Variants in RSBN1 observed in about 807,000 individuals in gnomAD.
RSBN1 encodes lysine-specific demethylase 9.
RSBN1 carries 23 observed loss-of-function variants against 74.8 expected under a neutral mutation model. The ratio of observed to expected loss-of-function variants is 0.31; its 90% CI spans 0.22 to 0.44. RSBN1 has a LOEUF of 0.44. RSBN1 is among the 20% of genes least tolerant of loss of function. The pLI is 1.00. For synonymous variants in RSBN1, 407 were observed against 379.6 expected (o/e 1.07, Z -0.84); for missense variants, 808 against 1,020.9 (o/e 0.79, Z 2.84).
intron 2 of RSBN1, among the ~76,000 whole-genome samples, chr1:113,791,228 C>T (rs922274021): frequency 5.9e-5 from 9 of 151,462 alleles, no homozygotes; most frequent in Non-Finnish European, 1.3e-4. Flanking sequence ...GAGAAATATG[C>T]CTATTAAAAA....
chr1:113,812,038 C>T lies in RSBN1; in HGVS notation c.375G>A (p.Leu125=). The T allele has an allele frequency of 1.3e-6, 2 of 1,530,742 alleles. No individual in the cohort carries two copies. The highest frequency in any genetic ancestry group is 1.2e-5 in the South Asian group (1 of 81,614). 94.8% of individuals were successfully genotyped at this position (1,530,742 alleles called of 1,614,324 possible). A position where few individuals can be genotyped will look rare whatever the true frequency, so the allele number is the denominator to read the frequency against. ...RRRSRQHPGP[L]PPTNAAPTVP... ...CAGTTGGGGCTGCATTCGTTGGCGG[C>T]AGCGGCCCAGGATGTTGGCGGCTGC... The change falls in exon 1 of 7, where the codon CTG becomes CTA. Residue 125 remains leucine (L), a synonymous_variant. Coordinates refer to ENST00000261441, the MANE Select transcript of RSBN1 (RefSeq NM_018364.5).
rs1659719500 is a variant in RSBN1 at position 113,763,437 on chromosome 1, C to T, written c.*2543G>A. On this transcript the variant is annotated 3_prime_UTR_variant, in exon 7 of 7. Coordinates refer to ENST00000261441, the MANE Select transcript of RSBN1 (RefSeq NM_018364.5). Reference sequence around the variant, plus strand: ...AGACGCCAGATTGCTCCATGCCTCACTCCACCAAACCAAATAATTTAATGA... The same window carrying T: ...AGACGCCAGATTGCTCCATGCCTCATTCCACCAAACCAAATAATTTAATGA... The T allele has an allele frequency of 6.5e-6, 1 of 152,686 alleles. No individual in the cohort carries two copies. Among genetic ancestry groups the T allele is most frequent in the Admixed American group, 6.5e-5 (1 of 15,280 alleles). 9.5% of individuals were successfully genotyped at this position (152,686 alleles called of 1,614,324 possible). A position where few individuals can be genotyped will look rare whatever the true frequency, so the allele number is the denominator to read the frequency against.
At chr1:113,783,510 G>GTTTTT (rs1660177012) in intron 2 of RSBN1, among the ~76,000 whole-genome samples, 3 of 151,896 alleles carry the variant, frequency 2.0e-5, no homozygotes, top group Admixed American at 6.6e-5. Flanking sequence ...TTCACCAACT[G>GTTTTT]TAGGAAACTA....
intron 2 of RSBN1, among the ~76,000 whole-genome samples, chr1:113,781,367 G>A (rs1426143869): frequency 1.3e-5 from 2 of 152,082 alleles, no homozygotes; most frequent in Non-Finnish European, 2.9e-5. Context: ...AATCACTGAT[G>A]ACCTCTTCAC....
At chr1:113,794,257 G>A (rs959089091) in intron 2 of RSBN1, among the ~76,000 whole-genome samples, 3 of 151,996 alleles carry the variant, frequency 2.0e-5, no homozygotes, top group Non-Finnish European at 4.4e-5. Flanking sequence ...GGTTACTATC[G>A]TAACTAACTG....
At chr1:113,780,102 G>A (rs1226675910) in intron 2 of RSBN1, among the ~76,000 whole-genome samples, 2 of 151,980 alleles carry the variant, frequency 1.3e-5, no homozygotes, top group African/African-American at 4.8e-5. Flanking sequence ...ACTAAGAAAG[G>A]CTTTCTCTCT....
chr1:113,783,095 C>T lies in RSBN1; in HGVS notation c.1378-5287G>A, dbSNP rs1262292183. Among the ~76,000 whole-genome samples the T allele has an allele frequency of 3.9e-5, 6 of 152,090 alleles. No homozygotes were observed. The South Asian group carries it at 6.2e-4, about 16-fold the overall frequency. ...AAAGTTTGCCAACCCCCAATTTAAA[C>T]CACTCACAAAAGAAATCAAGCAATA... On this transcript the variant is annotated intron_variant, in intron 2 of 6. Coordinates refer to ENST00000261441, the MANE Select transcript of RSBN1 (RefSeq NM_018364.5).
At position 113,788,834 on chromosome 1, in the gene RSBN1, G is replaced by C. The variant is rs550838408; in HGVS notation, c.1377+8529C>G. Among the ~76,000 whole-genome samples the C allele has an allele frequency of 7.9e-5, 12 of 152,146 alleles. 2 individuals carry two copies. Among genetic ancestry groups the C allele is most frequent in the Admixed American group, 6.5e-4 (10 of 15,278 alleles). On this transcript the variant is annotated intron_variant, in intron 2 of 6. Coordinates refer to ENST00000261441, the MANE Select transcript of RSBN1 (RefSeq NM_018364.5). The stretch of plus-strand genomic sequence containing the variant: ...AGGAAGATCCCTTGGCCAGGAGTTT[G>C]ACATCAACCTGGAAAACACAGGAAG...
chr1:113,773,478 G>A (rs576888376), intron 4 of RSBN1, among the ~76,000 whole-genome samples: 13 of 152,238 alleles, frequency 8.5e-5, no homozygotes, highest in Middle Eastern at 3.4e-3. Flanking sequence ...AGCCAAGATC[G>A]CACCACTGCA....
chr1:113,799,449 G>C (rs1660536663), intron 1 of RSBN1, among the ~76,000 whole-genome samples: 1 of 152,058 alleles, frequency 6.6e-6, no homozygotes. Context: ...GTAACATTAA[G>C]AGTGATTCCT....
chr1:113,774,096 T>C (rs914211405), intron 4 of RSBN1, among the ~76,000 whole-genome samples: 1 of 152,226 alleles, frequency 6.6e-6, no homozygotes, highest in African/African-American at 2.4e-5. Flanking sequence ...GTATGCTCTA[T>C]ATACTTTACA....
chr1:113,800,800 T>C (rs1382172878), intron 1 of RSBN1, among the ~76,000 whole-genome samples: 3 of 151,278 alleles, frequency 2.0e-5, no homozygotes, highest in Non-Finnish European at 4.4e-5. Flanking sequence ...AATTCACTTA[T>C]ATGAAAACCA....
intron 2 of RSBN1, among the ~76,000 whole-genome samples, chr1:113,793,085 C>T (rs186902803): frequency 6.6e-6 from 1 of 152,168 alleles, no homozygotes; most frequent in Non-Finnish European, 1.5e-5. Context: ...ACAAAATCTA[C>T]ATTTTACTTT....
chr1:113,776,154 C>T (rs1660020260), intron 4 of RSBN1, among the ~76,000 whole-genome samples: 1 of 152,146 alleles, frequency 6.6e-6, no homozygotes, highest in Non-Finnish European at 1.5e-5. Flanking sequence ...TACTGAGGCT[C>T]GGTCCTATAG....
At chr1:113,801,169 G>C (rs1660577367) in intron 1 of RSBN1, among the ~76,000 whole-genome samples, 1 of 151,964 alleles carries the variant, frequency 6.6e-6, no homozygotes, top group Non-Finnish European at 1.5e-5. Context: ...TTTTAGTAGA[G>C]ACAGGGTTTC....
At chr1:113,794,712 T>C (rs1231678867) in intron 2 of RSBN1, among the ~76,000 whole-genome samples, 1 of 152,182 alleles carries the variant, frequency 6.6e-6, no homozygotes, top group Non-Finnish European at 1.5e-5. Context: ...ACACAGACAG[T>C]GCTCCCTCTA....
intron 1 of RSBN1, among the ~76,000 whole-genome samples, chr1:113,805,166 A>G (rs1660677485): frequency 6.6e-6 from 1 of 151,618 alleles, no homozygotes; most frequent in Non-Finnish European, 1.5e-5. Context: ...ACCAGGCTGG[A>G]ATGCAAGTGG....
intron 4 of RSBN1, among the ~76,000 whole-genome samples, chr1:113,774,852 C>T (rs1557995973): frequency 6.6e-6 from 1 of 151,996 alleles, no homozygotes; most frequent in Non-Finnish European, 1.5e-5. Context: ...AAGACCCTGT[C>T]TCAAAGAAAA....
intron 5 of RSBN1, 30 bp downstream of exon 5, chr1:113,768,192 C>T: frequency 6.4e-7 from 1 of 1,565,424 alleles, no homozygotes; most frequent in Non-Finnish European, 8.7e-7. Context: ...CAATATTAAC[C>T]AACCTTGCAG....
Sources: allele counts gnomAD v4.1 joint callset (sites outside exome capture counted in the v4.1 genomes callset), GRCh38; gene constraint gnomAD v4.1.1; transcripts MANE v1.5; gene names NCBI Gene and HGNC (gene_info 2026-07-23, HGNC 2026-07-21).